The following RBKS variants were observed in gnomAD, a reference collection of about 807,000 sequenced individuals.
RBKS encodes ribokinase.
A neutral mutation model predicts 33.9 loss-of-function variants in RBKS; 33 were observed. The observed-to-expected ratio is 0.97, with a 90% CI of 0.74 to 1.30. The LOEUF is 1.30. Among genes scored for constraint, RBKS ranks in the 50% most tolerant of loss-of-function variants. RBKS has a pLI of 0.00. For synonymous variants in RBKS, 125 were observed against 143.0 expected (o/e 0.87, Z 0.90); for missense variants, 361 against 392.6 (o/e 0.92, Z 0.68).
intron 7 of RBKS, among the ~76,000 whole-genome samples, chr2:27,811,514 C>T (rs1677984861): frequency 1.3e-5 from 2 of 152,064 alleles, no homozygotes; most frequent in South Asian, 4.1e-4. Context: ...CTTGGAACTC[C>T]CACGATGCTC....
At chr2:27,799,746 G>A (rs1450403806) in intron 7 of RBKS, among the ~76,000 whole-genome samples, 1 of 152,332 alleles carries the variant, frequency 6.6e-6, no homozygotes, top group Non-Finnish European at 1.5e-5. Context: ...GCTACACTGG[G>A]TTTAGGTCAG....
chr2:27,844,970 A>G (rs1353168435), intron 4 of RBKS, among the ~76,000 whole-genome samples: 4 of 152,218 alleles, frequency 2.6e-5, no homozygotes, highest in South Asian at 4.1e-4. Flanking sequence ...AACAAATTCT[A>G]TCCTATCATC....
intron 5 of RBKS, among the ~76,000 whole-genome samples, chr2:27,841,625 T>C (rs994022076): frequency 6.6e-5 from 10 of 152,062 alleles, no homozygotes; most frequent in African/African-American, 2.4e-4. Context: ...ATTTGTTAAA[T>C]CAGGACGAAC....
chr2:27,830,910 G>C (rs1426660980), intron 6 of RBKS, among the ~76,000 whole-genome samples: 1 of 152,070 alleles, frequency 6.6e-6, no homozygotes, highest in Non-Finnish European at 1.5e-5. Context: ...CCTTCTCACG[G>C]GAAGCTGGAT....
At chr2:27,791,652 CATA>C (rs1558533672) in intron 7 of RBKS, among the ~76,000 whole-genome samples, 3,156 of 54,526 alleles carry the variant, frequency 0.058, 44 homozygotes, top group South Asian at 0.085. Context: ...ACTAAATATA[CATA>C]TACATATACA....
chr2:27,848,317 A>G (rs1663665028), intron 2 of RBKS, among the ~76,000 whole-genome samples: 1 of 152,222 alleles, frequency 6.6e-6, no homozygotes, highest in Non-Finnish European at 1.5e-5. Context: ...GAAGTATTTA[A>G]TGAACATCAC....
chr2:27,858,073 C>T (rs1377803439), intron 2 of RBKS, among the ~76,000 whole-genome samples: 1 of 152,102 alleles, frequency 6.6e-6, no homozygotes, highest in African/African-American at 2.4e-5. Context: ...TGTTGTACCT[C>T]AAAAACAGTA....
At chr2:27,803,082 G>A (rs1289232409) in intron 7 of RBKS, among the ~76,000 whole-genome samples, 1 of 151,994 alleles carries the variant, frequency 6.6e-6, no homozygotes, top group East Asian at 1.9e-4. Context: ...CTCCTGCCTT[G>A]GCCTCCCAGA....
At chr2:27,861,653 C>T in intron 1 of RBKS, 1 of 370,370 alleles carries the variant, frequency 2.7e-6, no homozygotes, top group Non-Finnish European at 5.3e-6. Flanking sequence ...TAGTATGTTC[C>T]ATTTCTTTTT....
intron 1 of RBKS, among the ~76,000 whole-genome samples, chr2:27,877,002 A>C (rs1468617357): frequency 6.6e-6 from 1 of 152,188 alleles, no homozygotes; most frequent in Non-Finnish European, 1.5e-5. Flanking sequence ...AATGCTACTC[A>C]AAACTTCACA....
chr2:27,840,182 G>A (rs927044001), intron 5 of RBKS, among the ~76,000 whole-genome samples: 2 of 151,570 alleles, frequency 1.3e-5, no homozygotes, highest in African/African-American at 4.9e-5. Context: ...ACCATGCCCG[G>A]CTAATTTTTT....
chr2:27,885,209 T>C (rs1664505053), intron 1 of RBKS, among the ~76,000 whole-genome samples: 1 of 152,126 alleles, frequency 6.6e-6, no homozygotes, highest in Non-Finnish European at 1.5e-5. Flanking sequence ...ACCCCAAAAA[T>C]ATAATAGAAA....
intron 7 of RBKS, among the ~76,000 whole-genome samples, chr2:27,790,904 C>A (rs1016626591): frequency 2.6e-5 from 4 of 152,154 alleles, no homozygotes; most frequent in Non-Finnish European, 4.4e-5. Context: ...TAAAACCCAG[C>A]AATTCTATTC....
At chr2:27,792,664 C>T (rs1341515691) in intron 7 of RBKS, among the ~76,000 whole-genome samples, 4 of 152,254 alleles carry the variant, frequency 2.6e-5, no homozygotes, top group East Asian at 1.9e-4. Context: ...ACACCCTCCA[C>T]GCAGACTGGG....
At chr2:27,792,151 G>C (rs2148184043) in intron 7 of RBKS, among the ~76,000 whole-genome samples, 1 of 152,278 alleles carries the variant, frequency 6.6e-6, no homozygotes, top group South Asian at 2.1e-4. Flanking sequence ...TAAGTGTTTT[G>C]ATTGGCATAT....
intron 7 of RBKS, among the ~76,000 whole-genome samples, chr2:27,794,503 C>T (rs1677604991): frequency 6.6e-6 from 1 of 151,814 alleles, no homozygotes; most frequent in Non-Finnish European, 1.5e-5. Context: ...TGAAGTGAAG[C>T]TCTTTCCCAC....
At position 27,848,067 on chromosome 2, in the gene RBKS, T is replaced by A. The variant is rs114209000; in HGVS notation, c.253A>T (p.Ile85Leu). Residue 85 changes from isoleucine (I) to leucine (L), a missense_variant, in exon 3 of 8, where the codon ATA becomes TTA. Coordinates refer to ENST00000302188, the MANE Select transcript of RBKS (RefSeq NM_022128.3). ...VGKDSFGNDY[I>L]ENLKQNDIST... is the part of the protein sequence containing the mutation. ...ATATCATTCTGTTTTAAGTTTTCTA[T>A]ATAATCATTGCCAAAAGAATCTTTG... 1,520 of 1,506,742 alleles carry A rather than the reference T, an allele frequency of 1.0e-3. 19 individuals carry two copies. In the African/African-American group the frequency reaches 0.02, roughly 19 times the overall value. The allele number at this position is 1,506,742 out of a possible 1,614,324, so 93.3% of individuals were successfully genotyped here.
At chr2:27,845,680 A>G (rs544774933) in intron 4 of RBKS, among the ~76,000 whole-genome samples, 99 of 152,304 alleles carry the variant, frequency 6.5e-4, no homozygotes, top group African/African-American at 2.3e-3. Context: ...TAGGTGAAAT[A>G]TATCGTTATT....
At chr2:27,789,917 T>TGTGTG (rs1558532927) in intron 7 of RBKS, among the ~76,000 whole-genome samples, 6 of 105,622 alleles carry the variant, frequency 5.7e-5, no homozygotes, top group East Asian at 2.5e-4. Context: ...GTGTGTGTGT[T>TGTGTG]TGTGTGTGTA....
Sources: gnomAD v4.1 joint callset for allele counts (sites outside exome capture counted in the v4.1 genomes callset) on GRCh38, gnomAD v4.1.1 for gene constraint, MANE v1.5 for transcripts, NCBI Gene and HGNC (gene_info 2026-07-23, HGNC 2026-07-21) for gene names.